The following ANKFN1 variants were observed in gnomAD, a reference collection of about 807,000 sequenced individuals.
ANKFN1 encodes the protein ankyrin repeat and fibronectin type-III domain-containing protein 1.
A neutral mutation model predicts 108.7 loss-of-function variants in ANKFN1; 74 were observed. The ratio of observed to expected loss-of-function variants is 0.68; its 90% CI spans 0.56 to 0.83. The LOEUF is 0.83. Among genes scored for constraint, ANKFN1 ranks in the 40% least tolerant of loss-of-function variants. The pLI is 0.00. For synonymous variants in ANKFN1, 547 were observed against 516.2 expected, an observed-to-expected ratio of 1.06 and a Z score of -0.81; for missense variants, 1,505 against 1,382.3, an observed-to-expected ratio of 1.09 and a Z score of -1.41.
intron 4 of ANKFN1, among the ~76,000 whole-genome samples, chr17:56,083,237 A>G (rs1212076482): frequency 2.6e-5 from 4 of 151,414 alleles, no homozygotes; most frequent in African/African-American, 4.8e-5. Context: ...CAGGTGCTCA[A>G]TAAAGGTCAC....
intron 3 of ANKFN1, among the ~76,000 whole-genome samples, chr17:56,231,718 C>T (rs1027155404): frequency 6.6e-6 from 1 of 152,080 alleles, no homozygotes; most frequent in Non-Finnish European, 1.5e-5. Flanking sequence ...TCTAAAAGGA[C>T]AATAAAGGTA....
intron 3 of ANKFN1, among the ~76,000 whole-genome samples, chr17:56,285,307 T>C (rs2044186700): frequency 6.6e-6 from 1 of 152,072 alleles, no homozygotes; most frequent in Non-Finnish European, 1.5e-5. Context: ...GGGCTGGAGG[T>C]GGCATCCCAT....
At chr17:56,175,464 G>C (rs1325579223) in intron 1 of ANKFN1, among the ~76,000 whole-genome samples, 1 of 152,190 alleles carries the variant, frequency 6.6e-6, no homozygotes, top group Non-Finnish European at 1.5e-5. Context: ...ACTGTACCTG[G>C]TGCTGTGAGG....
In ANKFN1 at chr17:56,165,142, G is replaced by A. The variant is rs917571522; in HGVS notation, c.-71+11612G>A. On this transcript the variant is annotated intron_variant, in intron 1 of 20. Coordinates refer to ENST00000682825, the MANE Select transcript of ANKFN1 (RefSeq NM_001370326.1). Reference sequence around the variant, plus strand: ...TTGATATTGCTTGAGTAACTGCTACGTGCCTTTCATTCTGTTAAATGTTTT... The same window carrying A: ...TTGATATTGCTTGAGTAACTGCTACATGCCTTTCATTCTGTTAAATGTTTT... Among the ~76,000 whole-genome samples, 11 of 152,164 alleles carry A rather than the reference G, an allele frequency of 7.2e-5. No individual in the cohort carries two copies. The East Asian group carries it at 1.2e-3, about 16-fold the overall frequency.
intron 8 of ANKFN1, among the ~76,000 whole-genome samples, chr17:56,433,933 T>C (rs2048846251): frequency 1.3e-5 from 2 of 152,180 alleles, no homozygotes; most frequent in Non-Finnish European, 2.9e-5. Context: ...CAAATTTCTC[T>C]GCTGAGGCAG....
At chr17:56,412,664 T>C (rs2048127383) in intron 8 of ANKFN1, among the ~76,000 whole-genome samples, 1 of 152,244 alleles carries the variant, frequency 6.6e-6, no homozygotes. Flanking sequence ...CTTGGACTTA[T>C]ACCAGTAGTT....
At chr17:56,184,951 GA>G (rs1345768029) in intron 1 of ANKFN1, 1 of 152,240 alleles carries the variant, frequency 6.6e-6, no homozygotes, top group African/African-American at 2.4e-5. Flanking sequence ...TGAGCTAACA[GA>G]AGGAAATAAA....
chr17:56,079,489 T>C (rs2143160031), intron 4 of ANKFN1, among the ~76,000 whole-genome samples: 1 of 152,300 alleles, frequency 6.6e-6, no homozygotes, highest in Admixed American at 6.5e-5. Context: ...CCTGCCCCAT[T>C]CATCCTCACA....
chr17:56,399,428 CAT>C (rs1491333310), intron 8 of ANKFN1, among the ~76,000 whole-genome samples: 2 of 151,628 alleles, frequency 1.3e-5, no homozygotes, highest in African/African-American at 4.8e-5. Context: ...GACACAGGCT[CAT>C]TTTTTTTTTT....
intron 4 of ANKFN1, among the ~76,000 whole-genome samples, chr17:56,055,598 C>CACACATATATATATATATAT (rs1904862581): frequency 3.5e-5 from 1 of 28,446 alleles, no homozygotes; most frequent in African/African-American, 1.6e-4. Flanking sequence ...TGTATATATA[C>CACACATATATATATATATAT]ACATTTTTTT....
chr17:56,226,152 G>T (rs1916250796), intron 2 of ANKFN1, among the ~76,000 whole-genome samples: 1 of 152,112 alleles, frequency 6.6e-6, no homozygotes, highest in African/African-American at 2.4e-5. Context: ...GTCAGGTTGT[G>T]ATCAGAACAG....
intron 3 of ANKFN1, among the ~76,000 whole-genome samples, chr17:56,249,503 C>T (rs1298310724): frequency 6.6e-6 from 1 of 151,726 alleles, no homozygotes; most frequent in East Asian, 1.9e-4. Flanking sequence ...AATAAAAATC[C>T]CAACAGGATT....
intron 3 of ANKFN1, among the ~76,000 whole-genome samples, chr17:56,320,699 C>A (rs185169201): frequency 1.3e-5 from 2 of 152,272 alleles, no homozygotes; most frequent in African/African-American, 4.8e-5. Context: ...GTCGGTGCTA[C>A]AGCCCGGTGA....
chr17:56,281,006 C>T (rs969208964), intron 3 of ANKFN1, among the ~76,000 whole-genome samples: 1 of 151,688 alleles, frequency 6.6e-6, no homozygotes, highest in African/African-American at 2.4e-5. Context: ...TGTCTGCCAC[C>T]GTGTGAGATG....
chr17:56,392,383 G>C (rs891020430), intron 8 of ANKFN1, among the ~76,000 whole-genome samples: 1 of 152,136 alleles, frequency 6.6e-6, no homozygotes, highest in African/African-American at 2.4e-5. Context: ...ACGATGGCAA[G>C]CCAGTCATTT....
chr17:56,322,385 C>T (rs1191589898), intron 3 of ANKFN1, among the ~76,000 whole-genome samples: 1 of 152,188 alleles, frequency 6.6e-6, no homozygotes, highest in African/African-American at 2.4e-5. Context: ...CAGTGTCTTC[C>T]TGCTTCTGGG....
chr17:56,293,100 G>C (rs7207925), intron 3 of ANKFN1, among the ~76,000 whole-genome samples: 5,431 of 152,206 alleles, frequency 0.036, 323 homozygotes, highest in African/African-American at 0.12. Context: ...GCCAAGTACT[G>C]TCTTAGCTAC....
At chr17:56,437,225 T>C (rs1409952981) in intron 8 of ANKFN1, among the ~76,000 whole-genome samples, 1 of 152,204 alleles carries the variant, frequency 6.6e-6, no homozygotes, top group Admixed American at 6.5e-5. Context: ...CTGACACTCT[T>C]TTCCACCTGA....
At chr17:56,243,734 G>A (rs529122982) in intron 3 of ANKFN1, among the ~76,000 whole-genome samples, 6 of 151,980 alleles carry the variant, frequency 3.9e-5, no homozygotes, top group Non-Finnish European at 5.9e-5. Flanking sequence ...CTTAGTTTTC[G>A]GTTTAACTTA....
Sources: gnomAD v4.1 joint callset for allele counts (sites outside exome capture counted in the v4.1 genomes callset) on GRCh38, gnomAD v4.1.1 for gene constraint, MANE v1.5 for transcripts, NCBI Gene and HGNC (gene_info 2026-07-23, HGNC 2026-07-21) for gene names.